CCBE1: variants seen among roughly 807,000 people sequenced by gnomAD.
CCBE1 encodes the protein collagen and calcium binding EGF domains 1, also known as collagen and calcium-binding EGF domain-containing protein 1.
In CCBE1, 37 loss-of-function variants were observed where a neutral mutation model predicts 50.0. The ratio of observed to expected loss-of-function variants is 0.74; its 90% CI spans 0.57 to 0.97. The LOEUF is 0.97. CCBE1 is among the 50% of genes least tolerant of loss of function. CCBE1 has a pLI of 0.00. For missense variants in CCBE1, 538 were observed against 523.8 expected (o/e 1.03, Z -0.26); for synonymous variants, 234 against 203.7 (o/e 1.15, Z -1.27).
At chr18:59,508,633 A>G (rs1462440601) in intron 2 of CCBE1, among the ~76,000 whole-genome samples, 1 of 149,968 alleles carries the variant, frequency 6.7e-6, no homozygotes, top group Non-Finnish European at 1.5e-5. Flanking sequence ...AAAAGAAACT[A>G]CCCCATAATG....
At chr18:59,697,191 G>A (rs111942859) in intron 1 of CCBE1, 21 bp downstream of exon 1, 3 of 1,548,002 alleles carry the variant, frequency 1.9e-6, no homozygotes, top group East Asian at 4.9e-5. Flanking sequence ...CTCGCCCTCC[G>A]CTGGGGCTTG....
chr18:59,570,102 T>A (rs3133205), intron 2 of CCBE1, among the ~76,000 whole-genome samples: 13,481 of 152,280 alleles, frequency 0.089, 632 homozygotes, highest in East Asian at 0.13. Context: ...TCCACATTGT[T>A]TTAGATGTGG....
intron 7 of CCBE1, among the ~76,000 whole-genome samples, chr18:59,443,476 T>C (rs1024885246): frequency 2.7e-4 from 41 of 152,014 alleles, no homozygotes; most frequent in Non-Finnish European, 8.8e-5. Context: ...CAACTTTTTT[T>C]TTTTTTTTGA....
intron 2 of CCBE1, among the ~76,000 whole-genome samples, chr18:59,625,907 TCA>T (rs1278354786): frequency 2.0e-5 from 3 of 152,200 alleles, no homozygotes; most frequent in Non-Finnish European, 2.9e-5. Context: ...GAACAGGCTC[TCA>T]GACACCGCAC....
At chr18:59,447,951 G>A (rs1910756746) in intron 7 of CCBE1, 32 bp downstream of exon 7, 1 of 1,613,526 alleles carries the variant, frequency 6.2e-7, no homozygotes, top group African/African-American at 1.3e-5. Context: ...TTCTGTTGGT[G>A]ATCACCCTCC....
At chr18:59,660,704 C>T (rs560197084) in intron 2 of CCBE1, among the ~76,000 whole-genome samples, 1 of 152,158 alleles carries the variant, frequency 6.6e-6, no homozygotes, top group East Asian at 1.9e-4. Flanking sequence ...CCATTTTCTG[C>T]CTCAAACAAA....
chr18:59,523,092 C>T (rs1035151597), intron 2 of CCBE1, among the ~76,000 whole-genome samples: 38 of 151,530 alleles, frequency 2.5e-4, no homozygotes, highest in African/African-American at 9.2e-4. Context: ...GACTTAGAAG[C>T]TTTTGATTGC....
intron 2 of CCBE1, among the ~76,000 whole-genome samples, chr18:59,547,449 C>G (rs1342295075): frequency 1.3e-5 from 2 of 152,022 alleles, no homozygotes; most frequent in African/African-American, 2.4e-5. Flanking sequence ...GTCCAGAAGG[C>G]AATAGCAGAC....
At chr18:59,462,718 C>A (rs538182289) in intron 5 of CCBE1, among the ~76,000 whole-genome samples, 9 of 151,888 alleles carry the variant, frequency 5.9e-5, no homozygotes, top group African/African-American at 2.2e-4. Flanking sequence ...TCTCTCTGGG[C>A]TTTTAGTGCA....
chr18:59,474,792 C>G (rs1026141000), intron 3 of CCBE1, among the ~76,000 whole-genome samples: 3 of 152,142 alleles, frequency 2.0e-5, no homozygotes, highest in Non-Finnish European at 4.4e-5. Flanking sequence ...ACCCCTTTTT[C>G]TAGTTTATTT....
intron 2 of CCBE1, among the ~76,000 whole-genome samples, chr18:59,539,645 AGGCTATT>A (rs1435583962): frequency 6.6e-6 from 1 of 152,234 alleles, no homozygotes; most frequent in African/African-American, 2.4e-5. Flanking sequence ...ACAAGGCATA[AGGCTATT>A]GGCAGTAACA....
At chr18:59,661,378 AT>A (rs1314111170) in intron 2 of CCBE1, among the ~76,000 whole-genome samples, 1 of 152,240 alleles carries the variant, frequency 6.6e-6, no homozygotes, top group Non-Finnish European at 1.5e-5. Context: ...TTCAATAAAT[AT>A]TTGTGGAACA....
chr18:59,574,035 A>T (rs192486742), intron 2 of CCBE1, among the ~76,000 whole-genome samples: 1 of 152,294 alleles, frequency 6.6e-6, no homozygotes, highest in South Asian at 2.1e-4. Context: ...CAAACAGGAC[A>T]TGTTCTATCT....
chr18:59,527,046 C>CA (rs1914852570), intron 2 of CCBE1, among the ~76,000 whole-genome samples: 1 of 152,170 alleles, frequency 6.6e-6, no homozygotes, highest in South Asian at 2.1e-4. Context: ...GAGCTGAGTT[C>CA]AAGTCCAGAA....
chr18:59,595,114 C>CAAAAAAAAAAAAA lies in CCBE1; in HGVS notation c.212+101502_212+101514dup, dbSNP rs546035209. ...CTGGCAACAGAGCGAGACTCTGTCT[C>CAAAAAAAAAAAAA]AAAAAAAAAAAAAAAAAAATCCATT... On this transcript the variant is annotated intron_variant, in intron 2 of 10. Coordinates refer to ENST00000439986, the MANE Select transcript of CCBE1 (RefSeq NM_133459.4). Among the ~76,000 whole-genome samples the CAAAAAAAAAAAAA allele has an allele frequency of 3.4e-4, 25 of 73,574 alleles. 1 individual carries two copies. The East Asian group carries it at 5.6e-3, about 17-fold the overall frequency. 48.3% of individuals were successfully genotyped at this position (73,574 alleles called of 152,430 possible).
chr18:59,608,305 C>T (rs1187758340), intron 2 of CCBE1, among the ~76,000 whole-genome samples: 1 of 152,144 alleles, frequency 6.6e-6, no homozygotes, highest in African/African-American at 2.4e-5. Context: ...CTCTGTACTC[C>T]TTACAGGTCA....
intron 2 of CCBE1, among the ~76,000 whole-genome samples, chr18:59,600,881 G>T (rs1437532928): frequency 2.0e-5 from 3 of 152,092 alleles, no homozygotes; most frequent in Non-Finnish European, 4.4e-5. Flanking sequence ...GTAAGGGGTG[G>T]CAGGGAGGAG....
chr18:59,449,960 T>C (rs1341317432), intron 6 of CCBE1, among the ~76,000 whole-genome samples: 2 of 152,176 alleles, frequency 1.3e-5, no homozygotes, highest in African/African-American at 2.4e-5. Flanking sequence ...TCAGCCCCTC[T>C]GTGTGGCAGC....
At chr18:59,469,639 T>C in intron 3 of CCBE1, 32 bp from the exon 4 acceptor site, 4 of 1,613,344 alleles carry the variant, frequency 2.5e-6, no homozygotes, top group Non-Finnish European at 3.4e-6. Context: ...TCACATCAAC[T>C]ACAGGAGGAG....
Sources: gnomAD v4.1 joint callset for allele counts (sites outside exome capture counted in the v4.1 genomes callset) on GRCh38, gnomAD v4.1.1 for gene constraint, MANE v1.5 for transcripts, NCBI Gene and HGNC (gene_info 2026-07-23, HGNC 2026-07-21) for gene names.